The following TVP23A variants were observed in gnomAD, a reference collection of about 807,000 sequenced individuals.
The protein encoded by TVP23A is Golgi apparatus membrane protein TVP23 homolog A.
TVP23A carries 21 observed loss-of-function variants against 31.7 expected under a neutral mutation model. The ratio of observed to expected loss-of-function variants is 0.66; its 90% CI spans 0.47 to 0.95. TVP23A has a LOEUF of 0.95. Among genes scored for constraint, TVP23A ranks in the 40% least tolerant of loss-of-function variants. The pLI, the probability that TVP23A is intolerant of heterozygous loss-of-function variation, is 0.00. For synonymous variants in TVP23A, 104 were observed against 96.0 expected (o/e 1.08, Z -0.49); for missense variants, 279 against 255.6 (o/e 1.09, Z -0.62).
intron 2 of TVP23A, among the ~76,000 whole-genome samples, chr16:10,813,704 A>C (rs2034303557): frequency 6.6e-6 from 1 of 152,164 alleles, no homozygotes; most frequent in African/African-American, 2.4e-5. Flanking sequence ...TGTAGACCTC[A>C]GTTAAGAATT....
Position 10,779,510 on chromosome 16 carries a change from C to G in TVP23A, c.90-4414G>C, listed in dbSNP as rs2032289430. On this transcript the variant is annotated intron_variant, in intron 2 of 7. Transcript: ENST00000299866. The surrounding 1 kb of genome is among the most constrained non-coding windows in gnomAD (Gnocchi z 4.9). ...TTCCCAGTGCCATTGCTCTCTAACT[C>G]CGCCCTCCCAGGCACCAACCTGGGA... 6.6e-6 allele frequency among the ~76,000 whole-genome samples: 1 copy of G among 152,196 alleles called. No individual in the cohort carries two copies. The highest frequency in any genetic ancestry group is 1.5e-5 in the Non-Finnish European group (1 of 68,036).
At chr16:10,775,493 A>G (rs1346182515) in intron 2 of TVP23A, 4 of 1,058,754 alleles carry the variant, frequency 3.8e-6, no homozygotes, top group Non-Finnish European at 4.6e-6. Context: ...CTGAGCTCCA[A>G]GCTCACACGC....
intron 2 of TVP23A, among the ~76,000 whole-genome samples, chr16:10,792,171 G>C (rs995021700): frequency 1.3e-5 from 2 of 152,216 alleles, no homozygotes; most frequent in African/African-American, 4.8e-5. Context: ...GAAGAAAGCT[G>C]TTCCCCTTTC....
rs534018208 is a variant in TVP23A at position 10,779,600 on chromosome 16, C to T, written c.90-4504G>A. 6.6e-6 allele frequency among the ~76,000 whole-genome samples: 1 copy of T among 152,232 alleles called. No homozygotes were observed. On this transcript the variant is annotated intron_variant, in intron 2 of 7. Transcript: ENST00000299866. The surrounding 1 kb of genome is among the most constrained non-coding windows in gnomAD (Gnocchi z 4.9). ...CCAGCTGCGTGTGTTCCCGGACCAA[C>T]TGAGAATCAGGCGGCATATTCTTGT...
rs976281112 is a variant in TVP23A, at chr16:10,777,771, G to T, written c.90-2675C>A. On this transcript the variant is annotated intron_variant, in intron 2 of 7. Transcript: ENST00000299866. This position sits in a 1 kb window ranked among gnomAD's most constrained non-coding sequence, Gnocchi z 4.5. ...TCACGCCTGTAATCCCAGCACTTTGGGAGGCTGAGGCAGGTGGATCACGAG... is the reference window on the plus strand; with the variant it reads ...TCACGCCTGTAATCCCAGCACTTTGTGAGGCTGAGGCAGGTGGATCACGAG... 6.6e-6 allele frequency among the ~76,000 whole-genome samples: 1 copy of T among 152,158 alleles called. No individual in the cohort carries two copies. The highest frequency in any genetic ancestry group is 2.4e-5 in the African/African-American group (1 of 41,440).
chr16:10,769,287 A>G (rs2031355013), intron 7 of TVP23A, 186 bp from the exon 8 acceptor site: 2 of 577,772 alleles, frequency 3.5e-6, no homozygotes, highest in Admixed American at 6.3e-5. Flanking sequence ...ACTTTTCTTT[A>G]GAACATATAT....
intron 2 of TVP23A, among the ~76,000 whole-genome samples, chr16:10,787,000 T>G (rs992978132): frequency 1.3e-5 from 2 of 151,906 alleles, no homozygotes; most frequent in African/African-American, 4.8e-5. Context: ...GCTGGATACA[T>G]GAAGAAAATT....
intron 2 of TVP23A, among the ~76,000 whole-genome samples, chr16:10,781,048 G>C (rs932760268): frequency 2.6e-5 from 4 of 152,156 alleles, no homozygotes; most frequent in African/African-American, 7.2e-5. Flanking sequence ...GTTTCAAGAA[G>C]AGGAGACTCG....
intron 2 of TVP23A, among the ~76,000 whole-genome samples, chr16:10,802,637 T>C (rs1054650701): frequency 7.9e-5 from 12 of 152,162 alleles, no homozygotes; most frequent in African/African-American, 2.9e-4. Context: ...CTTGCTACCT[T>C]CCCGTAAGTC....
intron 2 of TVP23A, among the ~76,000 whole-genome samples, chr16:10,816,642 T>G (rs2034451389): frequency 6.6e-6 from 1 of 152,034 alleles, no homozygotes; most frequent in Non-Finnish European, 1.5e-5. Context: ...CAGCCTATAA[T>G]TAAGGATCTT....
downstream of TVP23A, among the ~76,000 whole-genome samples, chr16:10,757,523 G>C (rs1900639199): frequency 6.6e-6 from 1 of 152,150 alleles, no homozygotes; most frequent in Admixed American, 6.5e-5. This position sits in a 1 kb window ranked among gnomAD's most constrained non-coding sequence, Gnocchi z 4.1. Flanking sequence ...GTGTTAAACA[G>C]TGTCCCTGGC....
At chr16:10,774,463 C>T (rs2031854143) in intron 3 of TVP23A, among the ~76,000 whole-genome samples, 2 of 152,106 alleles carry the variant, frequency 1.3e-5, no homozygotes, top group Non-Finnish European at 1.5e-5. Flanking sequence ...ATAATTCCCA[C>T]GTGTTGTGGG....
At chr16:10,790,868 C>A (rs1365427161) in intron 2 of TVP23A, among the ~76,000 whole-genome samples, 1 of 152,082 alleles carries the variant, frequency 6.6e-6, no homozygotes, top group East Asian at 1.9e-4. Flanking sequence ...TCTGTTTGTC[C>A]AGTATTAAGG....
intron 2 of TVP23A, chr16:10,808,680 G>A (rs749476202): frequency 3.5e-5 from 13 of 374,202 alleles, no homozygotes; most frequent in Non-Finnish European, 6.4e-5. Context: ...AGGAGGCTGA[G>A]AAGGGAGGAT....
At chr16:10,796,115 A>G (rs933928877) in intron 2 of TVP23A, among the ~76,000 whole-genome samples, 1 of 152,170 alleles carries the variant, frequency 6.6e-6, no homozygotes, top group African/African-American at 2.4e-5. Flanking sequence ...AGGGAGGCTG[A>G]GGCAAGAGGA....
In TVP23A at chr16:10,768,262, A is replaced by G; in HGVS notation, c.*840T>C. On this transcript the variant is annotated 3_prime_UTR_variant, in exon 8 of 8. Coordinates refer to ENST00000299866, the MANE Select transcript of TVP23A (RefSeq NM_001079512.4). The surrounding 1 kb of genome is among the most constrained non-coding windows in gnomAD (Gnocchi z 4.3). ...GGGTGAAATTTATGGCTTAGGAAAT[A>G]CATCCCAATAAAGGGATAAAGTAAT... The G allele has an allele frequency of 2.5e-6, 1 of 399,730 alleles. No homozygotes were observed. The highest frequency in any genetic ancestry group is 4.5e-5 in the South Asian group (1 of 22,022). The allele number at this position is 399,730 out of a possible 1,614,324, so 24.8% of individuals were successfully genotyped here. A position where few individuals can be genotyped will look rare whatever the true frequency, so the allele number is the denominator to read the frequency against.
In TVP23A at chr16:10,767,806, G is replaced by C; in HGVS notation, c.*1296C>G. On this transcript the variant is annotated 3_prime_UTR_variant, in exon 8 of 8. Coordinates refer to ENST00000299866, the MANE Select transcript of TVP23A (RefSeq NM_001079512.4). This position sits in a 1 kb window ranked among gnomAD's most constrained non-coding sequence, Gnocchi z 4.6. ...AAGGAAGGTCCCTGAGACCCCACTG[G>C]TCTTTTCTACTTTGTTCTTCATTAC... 1.4e-6 allele frequency: 1 copy of C among 715,016 alleles called. No homozygotes were observed. The allele number at this position is 715,016 out of a possible 1,614,324, so 44.3% of individuals were successfully genotyped here.
At chr16:10,757,953 G>A (rs1411896497), downstream of TVP23A, 2 of 1,614,136 alleles carry the variant, frequency 1.2e-6, no homozygotes, top group African/African-American at 1.3e-5. This position sits in a 1 kb window ranked among gnomAD's most constrained non-coding sequence, Gnocchi z 4.1. Context: ...TGGGACGTCG[G>A]ATGAACACCT....
intron 2 of TVP23A, among the ~76,000 whole-genome samples, chr16:10,778,703 T>C (rs1016065099): frequency 2.7e-5 from 4 of 150,678 alleles, no homozygotes; most frequent in Admixed American, 1.3e-4. Context: ...CGGTGGCCCA[T>C]GCCTATAATC....
Sources: gnomAD v4.1 joint callset for allele counts (sites outside exome capture counted in the v4.1 genomes callset) on GRCh38, gnomAD v4.1.1 for gene constraint, Gnocchi (gnomAD v3.1) non-coding constraint, MANE v1.5 for transcripts, NCBI Gene and HGNC (gene_info 2026-07-23, HGNC 2026-07-21) for gene names.